Variants in BCAS4 observed in about 807,000 individuals in gnomAD.
BCAS4 encodes breast carcinoma-amplified sequence 4.
Under a neutral mutation model 15.7 loss-of-function variants are expected in BCAS4, and 9 were observed. That is an observed-to-expected ratio of 0.57 (90% CI 0.34 to 1.00). The LOEUF (loss-of-function observed/expected upper bound fraction) is 1.00, where lower values mean the gene tolerates loss of function less well. BCAS4 is among the 50% of genes least tolerant of loss of function. The pLI, the probability that BCAS4 is intolerant of heterozygous loss-of-function variation, is 0.02. For synonymous variants in BCAS4, 101 were observed against 99.5 expected (o/e 1.02, Z -0.09); for missense variants, 225 against 239.1 (o/e 0.94, Z 0.39).
intron 2 of BCAS4, among the ~76,000 whole-genome samples, chr20:50,828,618 A>G (rs1219037802): frequency 6.6e-6 from 1 of 152,104 alleles, no homozygotes; most frequent in Non-Finnish European, 1.5e-5. Context: ...CGTCTCTACT[A>G]AAATACAAAA....
chr20:50,819,618 G>A (rs1285072057), intron 2 of BCAS4, among the ~76,000 whole-genome samples: 2 of 152,110 alleles, frequency 1.3e-5, no homozygotes, highest in East Asian at 3.9e-4. Flanking sequence ...CAGCCTCTAG[G>A]GTCACAGCAG....
At chr20:50,853,507 C>T (rs1978561691) in intron 4 of BCAS4, among the ~76,000 whole-genome samples, 1 of 152,104 alleles carries the variant, frequency 6.6e-6, no homozygotes, top group Non-Finnish European at 1.5e-5. Flanking sequence ...CTGTCCCTCG[C>T]AGCTCCTCGT....
chr20:50,859,828 C>G (rs1978974546), intron 4 of BCAS4, among the ~76,000 whole-genome samples: 1 of 152,174 alleles, frequency 6.6e-6, no homozygotes. Flanking sequence ...ATTGTAGATT[C>G]ACATTCGGTT....
At chr20:50,860,434 C>T (rs1358821018) in intron 4 of BCAS4, among the ~76,000 whole-genome samples, 1 of 152,188 alleles carries the variant, frequency 6.6e-6, no homozygotes, top group Non-Finnish European at 1.5e-5. Flanking sequence ...CCTGCCCAAC[C>T]CCTGGCTACC....
chr20:50,851,551 T>G lies in BCAS4; in HGVS notation c.399+9651T>G, dbSNP rs541793051. Among the ~76,000 whole-genome samples, 2 of 152,206 alleles carry G rather than the reference T, an allele frequency of 1.3e-5. No individual in the cohort carries two copies. Among genetic ancestry groups the G allele is most frequent in the Non-Finnish European group, 2.9e-5 (2 of 68,014 alleles). The stretch of plus-strand genomic sequence containing the variant: ...TCCGACAACAAGAAGTTTTCATTTT[T>G]GGGGGGGTGCTGTTTGTTGGGCCCT... On this transcript the variant is annotated intron_variant, in intron 4 of 4. Transcript: ENST00000371608. The surrounding 1 kb of genome is among the most constrained non-coding windows in gnomAD (Gnocchi z 4.3).
In BCAS4 at chr20:50,837,999, T is replaced by TACAC. The variant is rs35171200; in HGVS notation, c.265-3747_265-3744dup. Among the ~76,000 whole-genome samples, 38 of 143,782 alleles carry TACAC rather than the reference T, an allele frequency of 2.6e-4. 1 individual carries two copies. The highest frequency in any genetic ancestry group is 2.3e-3 in the East Asian group (10 of 4,368). The allele number at this position is 143,782 out of a possible 152,430, so 94.3% of individuals were successfully genotyped here. On this transcript the variant is annotated intron_variant, in intron 3 of 4. Coordinates refer to ENST00000371608, the MANE Select transcript of BCAS4 (RefSeq NM_198799.4). Reference sequence around the variant, plus strand: ...ACACACACACGCACACATCTGCACATACACACACACACACACACACACATG... The same window carrying TACAC: ...ACACACACACGCACACATCTGCACATACACACACACACACACACACACACACATG...
In BCAS4 at chr20:50,876,591, T is replaced by C. The variant is rs200840028; in HGVS notation, c.505T>C (p.Cys169Arg). The C allele has an allele frequency of 7.3e-5, 118 of 1,613,974 alleles. No homozygotes were observed. Among genetic ancestry groups the C allele is most frequent in the Non-Finnish European group, 1.4e-5 (17 of 1,179,962 alleles). Reference sequence around the variant, plus strand: ...GGAAGCACAGCACCACCCCCGCACCTGCCCTCGGCCTTTGTGAGCTTTGTG... The same window carrying C: ...GGAAGCACAGCACCACCCCCGCACCCGCCCTCGGCCTTTGTGAGCTTTGTG... ...AGEAQHHPRT[C>R]PRPL Residue 169 changes from cysteine to arginine, a missense_variant, in exon 5 of 5, where the codon TGC (cysteine) becomes CGC (arginine). Cys to Arg is a radical substitution (Grantham distance 180). Coordinates refer to ENST00000371608, the MANE Select transcript of BCAS4 (RefSeq NM_198799.4).
intron 1 of BCAS4, among the ~76,000 whole-genome samples, chr20:50,812,848 C>T (rs1018668589): frequency 1.1e-4 from 16 of 151,968 alleles, no homozygotes; most frequent in African/African-American, 3.6e-4. Context: ...CAGGGTCTTG[C>T]TTTGTCATCC....
intron 3 of BCAS4, among the ~76,000 whole-genome samples, chr20:50,835,311 C>T (rs1260253896): frequency 6.9e-6 from 1 of 145,964 alleles, no homozygotes; most frequent in African/African-American, 2.6e-5. Context: ...GTGGTGCAGT[C>T]TCGGCTCACT....
chr20:50,870,559 C>G (rs1476709925), intron 4 of BCAS4, among the ~76,000 whole-genome samples: 1 of 152,230 alleles, frequency 6.6e-6, no homozygotes, highest in Non-Finnish European at 1.5e-5. Flanking sequence ...CAGCAGGTTA[C>G]AGGAACCGTG....
At chr20:50,860,753 G>C in intron 4 of BCAS4, among the ~76,000 whole-genome samples, 1 of 152,114 alleles carries the variant, frequency 6.6e-6, no homozygotes, top group African/African-American at 2.4e-5. Context: ...GCACACACCT[G>C]CAATCCCAGC....
intron 2 of BCAS4, among the ~76,000 whole-genome samples, chr20:50,828,982 G>T (rs907755909): frequency 6.6e-6 from 1 of 152,204 alleles, no homozygotes; most frequent in African/African-American, 2.4e-5. Context: ...GTCCCAGTGA[G>T]CAAAGGAGGG....
chr20:50,880,778 G>A (rs1249128780), downstream of BCAS4: 1 of 152,202 alleles, frequency 6.6e-6, no homozygotes, highest in African/African-American at 2.4e-5. Flanking sequence ...CAAGGTAGCA[G>A]CCCATGGGGT....
chr20:50,822,066 A>G (rs2088222884), intron 2 of BCAS4, among the ~76,000 whole-genome samples: 1 of 152,206 alleles, frequency 6.6e-6, no homozygotes, highest in Non-Finnish European at 1.5e-5. Context: ...CAGGGCACAG[A>G]GGACTCAGCT....
chr20:50,850,501 G>A (rs910458486), intron 4 of BCAS4, among the ~76,000 whole-genome samples: 12 of 152,158 alleles, frequency 7.9e-5, no homozygotes, highest in African/African-American at 2.7e-4. Flanking sequence ...CTTGCTCTTC[G>A]GCCAGCGTGG....
chr20:50,865,967 C>T (rs1370722927), intron 4 of BCAS4, among the ~76,000 whole-genome samples: 1 of 152,126 alleles, frequency 6.6e-6, no homozygotes, highest in Admixed American at 6.5e-5. Flanking sequence ...AAGCCCGGAG[C>T]CAGGACATAG....
intron 3 of BCAS4, among the ~76,000 whole-genome samples, chr20:50,834,720 C>T (rs2088385805): frequency 6.6e-6 from 1 of 152,208 alleles, no homozygotes; most frequent in Admixed American, 6.5e-5. Context: ...AACCATTCCC[C>T]AGCCCCCGGC....
intron 1 of BCAS4, among the ~76,000 whole-genome samples, chr20:50,814,508 C>T (rs1394383383): frequency 6.6e-6 from 1 of 152,232 alleles, no homozygotes; most frequent in Non-Finnish European, 1.5e-5. Context: ...TAAACTGGAA[C>T]TCCTGGGCTC....
chr20:50,881,469 C>A (rs1009230143), downstream of BCAS4: 8 of 152,090 alleles, frequency 5.3e-5, no homozygotes, highest in Admixed American at 5.2e-4. Context: ...AAGGGATAAT[C>A]TCCCTAAAAA....
Sources: allele counts gnomAD v4.1 joint callset (sites outside exome capture counted in the v4.1 genomes callset), GRCh38; gene constraint gnomAD v4.1.1; non-coding constraint Gnocchi (gnomAD v3.1); transcripts MANE v1.5; gene names NCBI Gene and HGNC (gene_info 2026-07-23, HGNC 2026-07-21).